COBL: variants seen among roughly 807,000 people sequenced by gnomAD.
The protein encoded by COBL is protein cordon-bleu.
A neutral mutation model predicts 98.8 loss-of-function variants in COBL; 51 were observed. The ratio of observed to expected loss-of-function variants is 0.52; its 90% CI spans 0.41 to 0.65. The LOEUF is 0.65. Among genes scored for constraint, COBL ranks in the 30% least tolerant of loss-of-function variants. The pLI is 0.00. For missense variants in COBL, 1,617 were observed against 1,617.5 expected, an observed-to-expected ratio of 1.00 and a Z score of 0.01; for synonymous variants, 634 against 651.7, an observed-to-expected ratio of 0.97 and a Z score of 0.41.
chr7:51,156,280 T>C, intron 5 of COBL: 1 of 985,328 alleles, frequency 1.0e-6, no homozygotes, highest in Non-Finnish European at 1.2e-6. Flanking sequence ...TGTGGTTCTT[T>C]TCCTCTTTTT....
At chr7:51,185,679 T>C (rs1334591284) in intron 4 of COBL, among the ~76,000 whole-genome samples, 1 of 152,240 alleles carries the variant, frequency 6.6e-6, no homozygotes, top group Non-Finnish European at 1.5e-5. Flanking sequence ...AAGAGCTCTA[T>C]ACCATTGGTG....
intron 5 of COBL, among the ~76,000 whole-genome samples, chr7:51,142,504 C>T (rs1262481413): frequency 2.0e-5 from 3 of 150,996 alleles, no homozygotes; most frequent in Non-Finnish European, 4.4e-5. Context: ...CTGCCTCAGC[C>T]TCCTGAGTAA....
At chr7:51,277,447 CA>C in intron 1 of COBL, among the ~76,000 whole-genome samples, 1 of 152,132 alleles carries the variant, frequency 6.6e-6, no homozygotes, top group Non-Finnish European at 1.5e-5. Flanking sequence ...TTTGTTATTC[CA>C]AAATAAAAAG....
intron 6 of COBL, among the ~76,000 whole-genome samples, chr7:51,103,914 G>A (rs976639206): frequency 3.3e-5 from 5 of 152,182 alleles, no homozygotes; most frequent in African/African-American, 7.2e-5. Flanking sequence ...ACCTGGCCTC[G>A]GCCCCAGCCT....
In COBL at chr7:51,016,664, G is replaced by A. The variant is rs1468017236; in HGVS notation, c.*887C>T. ...TTTGATCTGAACTCTTGACAGGTGG[G>A]CATCCAACATCCCTGCTCCTTGACC... On this transcript the variant is annotated 3_prime_UTR_variant, in exon 13 of 13. Coordinates refer to ENST00000265136, the MANE Select transcript of COBL (RefSeq NM_015198.5). 3 of 321,734 alleles carry A rather than the reference G, an allele frequency of 9.3e-6. No individual in the cohort carries two copies. The highest frequency in any genetic ancestry group is 4.9e-5 in the Admixed American group (1 of 20,292). The allele number at this position is 321,734 out of a possible 1,614,324, so 19.9% of individuals were successfully genotyped here. A position where few individuals can be genotyped will look rare whatever the true frequency, so the allele number is the denominator to read the frequency against.
At chr7:51,170,998 T>C (rs1268430992) in intron 5 of COBL, among the ~76,000 whole-genome samples, 2 of 152,162 alleles carry the variant, frequency 1.3e-5, no homozygotes, top group Non-Finnish European at 2.9e-5. Context: ...TGTGAACATG[T>C]ATCAAAACCA....
At chr7:51,282,887 A>G (rs959979051) in intron 1 of COBL, among the ~76,000 whole-genome samples, 2 of 152,308 alleles carry the variant, frequency 1.3e-5, no homozygotes, top group Non-Finnish European at 1.5e-5. Flanking sequence ...ACCGGAAATC[A>G]GTAACAAAGA....
chr7:51,096,839 C>T (rs947191628), intron 6 of COBL, among the ~76,000 whole-genome samples: 1 of 151,968 alleles, frequency 6.6e-6, no homozygotes, highest in Non-Finnish European at 1.5e-5. Flanking sequence ...GTCAGGAAAT[C>T]GAATCAGTAA....
chr7:51,105,361 G>A (rs548422642), intron 6 of COBL, among the ~76,000 whole-genome samples: 5 of 152,276 alleles, frequency 3.3e-5, no homozygotes, highest in Non-Finnish European at 4.4e-5. Flanking sequence ...CACCTGCTGC[G>A]CGAACTTGCT....
intron 3 of COBL, among the ~76,000 whole-genome samples, chr7:51,192,012 A>G (rs1790161893): frequency 6.6e-6 from 1 of 152,164 alleles, no homozygotes; most frequent in Non-Finnish European, 1.5e-5. Context: ...AACAAGTGGA[A>G]TCATGCAGAT....
intron 5 of COBL, among the ~76,000 whole-genome samples, chr7:51,169,905 T>C (rs1021058496): frequency 6.6e-6 from 1 of 152,196 alleles, no homozygotes; most frequent in Non-Finnish European, 1.5e-5. Flanking sequence ...CTACATGATG[T>C]TATTATTTCA....
At chr7:51,018,966 A>G (rs1786643773) in intron 12 of COBL, among the ~76,000 whole-genome samples, 2 of 116,448 alleles carry the variant, frequency 1.7e-5, no homozygotes, top group Admixed American at 9.4e-5. Flanking sequence ...TTTTTTTTGC[A>G]ATTTTTTTTA....
rs139995087 is a variant in COBL, at chr7:51,106,822, C to T, written c.958-21518G>A. ...TAATTACAGAAAGAAAAATACTGGG[C>T]ATGCTTCATGGAAAGTTATGAGGAG... On this transcript the variant is annotated intron_variant, in intron 6 of 12. Coordinates refer to ENST00000265136, the MANE Select transcript of COBL (RefSeq NM_015198.5). Among the ~76,000 whole-genome samples the T allele has an allele frequency of 8.6e-3, 1,309 of 152,092 alleles. 13 individuals carry two copies. The highest frequency in any genetic ancestry group is 0.015 in the Non-Finnish European group (1,010 of 67,994).
intron 2 of COBL, among the ~76,000 whole-genome samples, chr7:51,207,237 A>ATTTTTTT (rs199763616): frequency 7.0e-6 from 1 of 143,364 alleles, no homozygotes. Flanking sequence ...TACAGCGGAC[A>ATTTTTTT]TTTTTTTTTT....
rs1471292037 is a variant in COBL, at chr7:51,065,281, G to A, written c.1096+19885C>T. The A allele has an allele frequency of 4.3e-6, 3 of 703,444 alleles. No homozygotes were observed. The African/African-American group carries it at 5.2e-5, about 12-fold the overall frequency. The allele number at this position is 703,444 out of a possible 1,614,324, so 43.6% of individuals were successfully genotyped here. ...AAGACCCAAGAGAAGGCTGAGCAGT[G>A]ACTGGGGAAATGGGGAGGAGGAAGA... On this transcript the variant is annotated intron_variant, in intron 7 of 12. Coordinates refer to ENST00000265136, the MANE Select transcript of COBL (RefSeq NM_015198.5).
intron 1 of COBL, among the ~76,000 whole-genome samples, chr7:51,296,725 T>C (rs561401797): frequency 1.3e-5 from 2 of 152,292 alleles, no homozygotes; most frequent in Non-Finnish European, 2.9e-5. Flanking sequence ...AGGTGCTAAG[T>C]ATAGGACGAG....
Position 51,028,185 on chromosome 7 carries a change from G to A in COBL, c.2911C>T (p.His971Tyr). 2 of 1,614,258 alleles carry A rather than the reference G, an allele frequency of 1.2e-6. No individual in the cohort carries two copies. The highest frequency in any genetic ancestry group is 1.7e-6 in the Non-Finnish European group (2 of 1,180,048). ...ACCAGTGAGAAACAGGAGCTTCTGT[G>A]GATAGCAGCAGGTCTGTCCTGAGTA... ...LSTQDRPAAI[H>Y]RSSCFSLVQS... is the part of the protein sequence containing the mutation. The change falls in exon 10 of 13, where the codon CAC becomes TAC. Residue 971 changes from histidine to tyrosine, a missense_variant. Coordinates refer to ENST00000265136, the MANE Select transcript of COBL (RefSeq NM_015198.5).
At chr7:51,188,492 G>A (rs1789761796) in intron 4 of COBL, among the ~76,000 whole-genome samples, 1 of 152,230 alleles carries the variant, frequency 6.6e-6, no homozygotes, top group African/African-American at 2.4e-5. Context: ...GTAATCAAAT[G>A]TCACAGCTGG....
chr7:51,054,934 G>A (rs914734132), intron 7 of COBL, among the ~76,000 whole-genome samples: 1 of 152,222 alleles, frequency 6.6e-6, no homozygotes, highest in East Asian at 1.9e-4. Context: ...CAGCAGAGAA[G>A]GTGGTCCGCT....
Sources: allele counts gnomAD v4.1 joint callset (sites outside exome capture counted in the v4.1 genomes callset), GRCh38; gene constraint gnomAD v4.1.1; transcripts MANE v1.5; gene names NCBI Gene and HGNC (gene_info 2026-07-23, HGNC 2026-07-21).